Variants in ABCA13 observed in about 807,000 individuals in gnomAD.
The protein encoded by ABCA13 is ATP-binding cassette sub-family A member 13.
A neutral mutation model predicts 478.7 loss-of-function variants in ABCA13; 476 were observed. The observed-to-expected ratio is 0.99, with a 90% CI of 0.92 to 1.07. The LOEUF is 1.07. ABCA13 is among the 50% of genes least tolerant of loss of function. The probability of loss-of-function intolerance (pLI) is 0.00; values close to 1 mark genes in which losing one functional copy is unlikely to be tolerated. For synonymous variants in ABCA13, 2,252 were observed against 2,158.9 expected, an observed-to-expected ratio of 1.04 and a Z score of -1.20; for missense variants, 6,060 against 5,910.6, an observed-to-expected ratio of 1.03 and a Z score of -0.83.
chr7:48,190,392 A>G (rs1005945190), intron 1 of ABCA13, among the ~76,000 whole-genome samples: 1 of 152,192 alleles, frequency 6.6e-6, no homozygotes, highest in Non-Finnish European at 1.5e-5. Context: ...ATAGAGTAAT[A>G]TATTTGGTGT....
At chr7:48,362,254 G>A (rs1053916365) in intron 31 of ABCA13, among the ~76,000 whole-genome samples, 2 of 150,194 alleles carry the variant, frequency 1.3e-5, no homozygotes, top group African/African-American at 5.0e-5. Flanking sequence ...TCTTTTTCCT[G>A]TGGAGTTTGG....
intron 41 of ABCA13, among the ~76,000 whole-genome samples, chr7:48,413,998 G>A (rs1819615345): frequency 6.6e-6 from 1 of 152,196 alleles, no homozygotes; most frequent in Non-Finnish European, 1.5e-5. Context: ...CTTTGTGGTT[G>A]ATGCTCTGTA....
chr7:48,174,950 T>C (rs1221868375), intron 1 of ABCA13, among the ~76,000 whole-genome samples: 2 of 152,232 alleles, frequency 1.3e-5, no homozygotes, highest in African/African-American at 2.4e-5. Context: ...AACATCATTA[T>C]GCATGAAGGA....
intron 55 of ABCA13, among the ~76,000 whole-genome samples, chr7:48,577,267 TAAA>T (rs1376388684): frequency 1.4e-5 from 2 of 145,372 alleles, no homozygotes; most frequent in Non-Finnish European, 3.0e-5. Context: ...AGGAAAATAA[TAAA>T]GAAAAATCAA....
At chr7:48,237,172 T>C (rs764131884) in intron 8 of ABCA13, among the ~76,000 whole-genome samples, 1 of 152,066 alleles carries the variant, frequency 6.6e-6, no homozygotes, top group Non-Finnish European at 1.5e-5. Context: ...AGTGATGTTA[T>C]CTATAGGAGC....
Position 48,249,158 on chromosome 7 carries a change from A to G in ABCA13, c.1866-54A>G, listed in dbSNP as rs1012871538. On this transcript the variant is annotated intron_variant, in intron 14 of 61. Transcript: ENST00000435803. ...TTAGAAAAATTTATAATGATCTGTC[A>G]TCTGCAAGATCATTTTTAAATTTTA... The G allele has an allele frequency of 1.6e-5, 24 of 1,509,776 alleles. No individual in the cohort carries two copies. The East Asian group carries it at 3.2e-4, about 20-fold the overall frequency. The allele number at this position is 1,509,776 out of a possible 1,614,324, so 93.5% of individuals were successfully genotyped here.
At chr7:48,215,076 C>G (rs1786239844) in intron 3 of ABCA13, among the ~76,000 whole-genome samples, 1 of 152,122 alleles carries the variant, frequency 6.6e-6, no homozygotes, top group Admixed American at 6.6e-5. Flanking sequence ...GATTGTGCTA[C>G]TGCTCTCCAG....
chr7:48,393,289 G>A (rs1816344903), intron 38 of ABCA13, among the ~76,000 whole-genome samples: 1 of 152,214 alleles, frequency 6.6e-6, no homozygotes, highest in African/African-American at 2.4e-5. Context: ...CAGGCCGTCT[G>A]TCCTGTGCTG....
At chr7:48,446,905 G>T (rs1328470138) in intron 42 of ABCA13, among the ~76,000 whole-genome samples, 1 of 152,226 alleles carries the variant, frequency 6.6e-6, no homozygotes, top group Non-Finnish European at 1.5e-5. Context: ...GCAGAAAAGA[G>T]TCTGCCAAAA....
chr7:48,353,219 C>T (rs1809336660), intron 31 of ABCA13, among the ~76,000 whole-genome samples: 1 of 151,674 alleles, frequency 6.6e-6, no homozygotes, highest in Non-Finnish European at 1.5e-5. Flanking sequence ...CGGGGTGAGC[C>T]GTATTGCTGT....
intron 45 of ABCA13, among the ~76,000 whole-genome samples, chr7:48,473,514 C>T (rs1021828986): frequency 4.6e-5 from 7 of 152,178 alleles, no homozygotes; most frequent in African/African-American, 1.7e-4. Context: ...CCCTAACTAT[C>T]TGCCTAGCCA....
At position 48,645,549 on chromosome 7, in the gene ABCA13, C is replaced by A; in HGVS notation, c.*37C>A. Reference sequence around the variant, plus strand: ...GTTTCCATAAGGAATAAAACCTTGTCTTCCATTACAATTAACAGTCAAGGA... The same window carrying A: ...GTTTCCATAAGGAATAAAACCTTGTATTCCATTACAATTAACAGTCAAGGA... On this transcript the variant is annotated 3_prime_UTR_variant, in exon 62 of 62. Coordinates refer to ENST00000435803, the MANE Select transcript of ABCA13 (RefSeq NM_152701.5). 6.7e-7 allele frequency: 1 copy of A among 1,498,764 alleles called. No homozygotes were observed. The highest frequency in any genetic ancestry group is 9.1e-7 in the Non-Finnish European group (1 of 1,098,874). The allele number at this position is 1,498,764 out of a possible 1,614,324, so 92.8% of individuals were successfully genotyped here.
chr7:48,446,123 G>A (rs538369595), intron 42 of ABCA13, among the ~76,000 whole-genome samples: 7 of 152,132 alleles, frequency 4.6e-5, no homozygotes, highest in Non-Finnish European at 1.0e-4. Context: ...TTTAAAGAAA[G>A]TTTAAAAATC....
intron 15 of ABCA13, among the ~76,000 whole-genome samples, chr7:48,258,124 A>G (rs1008702815): frequency 1.3e-4 from 20 of 152,066 alleles, no homozygotes; most frequent in Non-Finnish European, 2.8e-4. Context: ...GGGTCCTGCT[A>G]TGCTGCTCAG....
At chr7:48,607,500 A>T (rs1214793282) in intron 58 of ABCA13, among the ~76,000 whole-genome samples, 1 of 152,134 alleles carries the variant, frequency 6.6e-6, no homozygotes, top group Admixed American at 6.5e-5. Flanking sequence ...CCATCTTGCC[A>T]GCTCTCTCTT....
At chr7:48,475,861 G>A (rs1387011666) in intron 45 of ABCA13, among the ~76,000 whole-genome samples, 1 of 152,168 alleles carries the variant, frequency 6.6e-6, no homozygotes, top group Non-Finnish European at 1.5e-5. Context: ...TGATTTGGAA[G>A]CGACACCGTT....
chr7:48,225,108 C>CAT (rs1787963327), intron 5 of ABCA13, among the ~76,000 whole-genome samples: 1 of 128,504 alleles, frequency 7.8e-6, no homozygotes, highest in African/African-American at 3.1e-5. Context: ...ACCATGCGTG[C>CAT]GTGCCTGCCT....
At chr7:48,348,501 C>T (rs1241793923) in intron 29 of ABCA13, among the ~76,000 whole-genome samples, 9 of 152,218 alleles carry the variant, frequency 5.9e-5, no homozygotes, top group Non-Finnish European at 1.3e-4. Context: ...ATTTTCTTCT[C>T]ACTGATTTTT....
At chr7:48,499,910 A>G (rs1441093954) in intron 48 of ABCA13, among the ~76,000 whole-genome samples, 1 of 152,174 alleles carries the variant, frequency 6.6e-6, no homozygotes, top group Non-Finnish European at 1.5e-5. Flanking sequence ...AATGAAATCT[A>G]CAACCCAATT....
Sources: gnomAD v4.1 joint callset for allele counts (sites outside exome capture counted in the v4.1 genomes callset) on GRCh38, gnomAD v4.1.1 for gene constraint, MANE v1.5 for transcripts, NCBI Gene and HGNC (gene_info 2026-07-23, HGNC 2026-07-21) for gene names.